Variants in CCDC186 observed in about 807,000 individuals in gnomAD.
CCDC186 encodes the protein coiled-coil domain-containing protein 186.
CCDC186 carries 49 observed loss-of-function variants against 113.7 expected under a neutral mutation model. The ratio of observed to expected loss-of-function variants is 0.43; its 90% CI spans 0.34 to 0.55. The LOEUF is 0.55. CCDC186 is among the 20% of genes least tolerant of loss of function. The pLI is 0.02. For missense variants in CCDC186, 890 were observed against 1,011.1 expected (o/e 0.88, Z 1.62); for synonymous variants, 355 against 345.8 (o/e 1.03, Z -0.30).
chr10:114,163,270 C>G lies in CCDC186; in HGVS notation c.-2G>C, dbSNP rs1045160160. The G allele has an allele frequency of 1.7e-5, 27 of 1,601,326 alleles. No homozygotes were observed. Among genetic ancestry groups the G allele is most frequent in the Non-Finnish European group, 2.3e-5 (27 of 1,177,678 alleles). ...GGCTATGTGGTCTGTCTCTGACATGCTGACTGGCACCAATTCACTTTGTAA... is the reference window on the plus strand; with the variant it reads ...GGCTATGTGGTCTGTCTCTGACATGGTGACTGGCACCAATTCACTTTGTAA... On this transcript the variant is annotated 5_prime_UTR_variant, in exon 2 of 16. Coordinates refer to ENST00000369287, the MANE Select transcript of CCDC186 (RefSeq NM_018017.4).
At chr10:114,158,254 T>C (rs1047166587) in intron 2 of CCDC186, among the ~76,000 whole-genome samples, 1 of 152,238 alleles carries the variant, frequency 6.6e-6, no homozygotes, top group Non-Finnish European at 1.5e-5. Context: ...GATAGTCTAA[T>C]AGTTATAATG....
Position 114,163,260 on chromosome 10 carries a change from C to T in CCDC186, c.9G>A (p.Glu3=), listed in dbSNP as rs1448636457. MS[E]TDHIASTSSD... ...AGGAAGTAGAGGCTATGTGGTCTGT[C>T]TCTGACATGCTGACTGGCACCAATT... Residue 3 remains glutamate (E), a synonymous_variant, in exon 2 of 16, where the codon GAG becomes GAA. Transcript: ENST00000369287. 6.8e-6 allele frequency: 11 copies of T among 1,608,022 alleles called. No individual in the cohort carries two copies. The highest frequency in any genetic ancestry group is 1.3e-5 in the African/African-American group (1 of 74,738).
At chr10:114,153,801 A>G (rs932506662) in intron 3 of CCDC186, among the ~76,000 whole-genome samples, 10 of 151,806 alleles carry the variant, frequency 6.6e-5, no homozygotes, top group Non-Finnish European at 1.5e-4. Context: ...AAAAAAAAAA[A>G]AAGAAGACAG....
At position 114,125,192 on chromosome 10, in the gene CCDC186, C is replaced by T. The variant is rs188209343; in HGVS notation, c.2648G>A (p.Arg883His). ...TAGTTCATGCTGGTGTTTAATAAGA[C>T]GTTCTATTTCTGTTCCAAGTGTTTG... ...NLQTLGTEIE[R>H]LIKHQHELEQ... Residue 883 changes from arginine (R) to histidine (H), a missense_variant, in exon 16 of 16, where the codon CGT (arginine) becomes CAT (histidine). By Grantham distance (29) the Arg-to-His change is conservative. Transcript: ENST00000369287. 9.9e-6 allele frequency: 16 copies of T among 1,610,668 alleles called. No individual in the cohort carries two copies. Among genetic ancestry groups the T allele is most frequent in the South Asian group, 7.7e-5 (7 of 90,778 alleles).
At chr10:114,138,074 T>C (rs12572080) in intron 6 of CCDC186, among the ~76,000 whole-genome samples, 4 of 73,740 alleles carry the variant, frequency 5.4e-5, no homozygotes, top group Admixed American at 1.8e-4. Flanking sequence ...AAAAAAAAAA[T>C]AAAAAAAATA....
chr10:114,136,119 T>C (rs2031252424), intron 8 of CCDC186, 29 bp downstream of exon 8: 1 of 1,564,014 alleles, frequency 6.4e-7, no homozygotes, highest in Non-Finnish European at 8.8e-7. Flanking sequence ...TTATGCAACT[T>C]AGGATATATA....
chr10:114,140,614 G>A (rs1317338358), intron 6 of CCDC186, among the ~76,000 whole-genome samples: 1 of 152,162 alleles, frequency 6.6e-6, no homozygotes, highest in Non-Finnish European at 1.5e-5. Context: ...CTGGAGTTCT[G>A]GGTAGAAGTT....
intron 12 of CCDC186, 187 bp downstream of exon 12, chr10:114,130,958 TAG>T: frequency 2.4e-6 from 1 of 423,950 alleles, no homozygotes; most frequent in Non-Finnish European, 4.0e-6. Flanking sequence ...AAATGTCCTT[TAG>T]CATACAAGAT....
In CCDC186 at chr10:114,127,657, G is replaced by A. The variant is rs199641834; in HGVS notation, c.2197C>T (p.Arg733Ter). The A allele has an allele frequency of 6.2e-7, 1 of 1,613,672 alleles. No homozygotes were observed. The highest frequency in any genetic ancestry group is 8.5e-7 in the Non-Finnish European group (1 of 1,179,912). ...GGAGATCGATCTTCTGCACTGCTTC[G>A]AGCATTCAGGGACCCTGAAGACAAA... Reference protein sequence around the residue: ...RSSSSGSLNARSSAEDRSPEN... With the variant: ...RSSSSGSLNA Residue 733 changes from arginine (R) to a stop codon, truncating the protein, a stop_gained, in exon 14 of 16, where the codon CGA (arginine) becomes TGA (stop). Transcript: ENST00000369287. LOFTEE classifies it high-confidence loss of function.
intron 5 of CCDC186, 142 bp from the exon 6 acceptor site, chr10:114,144,758 T>A: frequency 1.6e-6 from 1 of 641,648 alleles, no homozygotes; most frequent in Non-Finnish European, 2.4e-6. Context: ...AAAACTTATT[T>A]AAAGTCCAAA....
At chr10:114,129,273 C>T (rs914075994) in intron 13 of CCDC186, among the ~76,000 whole-genome samples, 1 of 151,644 alleles carries the variant, frequency 6.6e-6, no homozygotes. Context: ...CAAAGTCACA[C>T]CACTGCACTC....
At chr10:114,166,138 G>T (rs2032330704) in intron 1 of CCDC186, among the ~76,000 whole-genome samples, 1 of 152,046 alleles carries the variant, frequency 6.6e-6, no homozygotes, top group South Asian at 2.1e-4. Flanking sequence ...GACCCAGTAA[G>T]GAAAAAATAA....
intron 4 of CCDC186, among the ~76,000 whole-genome samples, chr10:114,149,814 A>AAGGC (rs1374980836): frequency 1.9e-5 from 1 of 53,848 alleles, no homozygotes; most frequent in Middle Eastern, 8.9e-3. Context: ...GGAAGGAAGG[A>AAGGC]AGGCAGGAAG....
chr10:114,153,992 T>C (rs1190690883), intron 3 of CCDC186, among the ~76,000 whole-genome samples: 1 of 151,260 alleles, frequency 6.6e-6, no homozygotes. Context: ...GGTGGATCGC[T>C]TGAGCTCACA....
At chr10:114,145,857 A>T (rs2031624611) in intron 4 of CCDC186, 96 bp from the exon 5 acceptor site, 1 of 1,168,070 alleles carries the variant, frequency 8.6e-7, no homozygotes, top group South Asian at 1.7e-5. Context: ...TTACCAATGC[A>T]TTGTTTGGTT....
chr10:114,137,339 A>C, intron 6 of CCDC186, 49 bp from the exon 7 acceptor site: 1 of 1,377,248 alleles, frequency 7.3e-7, no homozygotes, highest in Non-Finnish European at 1.0e-6. Context: ...AACGTGATGA[A>C]TGGTAAGAAG....
rs1253269808 is a variant in CCDC186, at chr10:114,121,690, G to A, written c.*3453C>T. ...GGATGTTCCAAAGCCTCATGTACGAGTGAGATTTCTGGGCCACTTGCACAA... is the reference window on the plus strand; with the variant it reads ...GGATGTTCCAAAGCCTCATGTACGAATGAGATTTCTGGGCCACTTGCACAA... On this transcript the variant is annotated 3_prime_UTR_variant, in exon 16 of 16. Transcript: ENST00000369287. The A allele has an allele frequency of 6.6e-6, 1 of 152,158 alleles. No homozygotes were observed. The highest frequency in any genetic ancestry group is 2.4e-5 in the African/African-American group (1 of 41,440). The allele number at this position is 152,158 out of a possible 1,614,324, so 9.4% of individuals were successfully genotyped here.
intron 6 of CCDC186, among the ~76,000 whole-genome samples, chr10:114,143,699 T>C (rs930669911): frequency 1.1e-4 from 16 of 152,214 alleles, no homozygotes; most frequent in Non-Finnish European, 2.4e-4. Context: ...CCAAGGGTTA[T>C]TAGCAGTTCT....
At chr10:114,136,025 T>C (rs2031249079) in intron 8 of CCDC186, 48 bp from the exon 9 acceptor site, 2 of 1,548,888 alleles carry the variant, frequency 1.3e-6, no homozygotes, top group Non-Finnish European at 1.8e-6. Flanking sequence ...TGCTAAACTA[T>C]ATCTAAGATT....
Sources: gnomAD v4.1 joint callset for allele counts (sites outside exome capture counted in the v4.1 genomes callset) on GRCh38, gnomAD v4.1.1 for gene constraint, MANE v1.5 for transcripts, NCBI Gene and HGNC (gene_info 2026-07-23, HGNC 2026-07-21) for gene names.